The following CMC1 variants were observed in gnomAD, a reference collection of about 807,000 sequenced individuals.
CMC1 encodes the protein COX assembly mitochondrial protein homolog.
Under a neutral mutation model 14.1 loss-of-function variants are expected in CMC1, and 14 were observed. The observed-to-expected ratio is 0.99, with a 90% CI of 0.66 to 1.55. CMC1 has a LOEUF of 1.55. CMC1 is among the 40% of genes most tolerant of loss of function. CMC1 has a pLI of 0.00. For synonymous variants in CMC1, 50 were observed against 38.4 expected (o/e 1.30, Z -1.12); for missense variants, 127 against 123.8 (o/e 1.03, Z -0.12).
rs1303171700 is a variant in CMC1 at position 28,316,347 on chromosome 3, T to TG, written c.125dup (p.Cys42TrpfsTer28). The stretch of plus-strand genomic sequence containing the variant: ...ATTTATTTCAGATTTTACCAAATGT[T>TG]GCAAGAACTCTGGAGTTCTTATGGT... On this transcript the variant is annotated frameshift_variant, in exon 3 of 4. Coordinates refer to ENST00000466830, the MANE Select transcript of CMC1 (RefSeq NM_182523.2). LOFTEE classifies it high-confidence loss of function. 8.9e-6 allele frequency: 14 copies of TG among 1,569,038 alleles called. No individual in the cohort carries two copies. Among genetic ancestry groups the TG allele is most frequent in the Non-Finnish European group, 1.1e-5 (13 of 1,158,138 alleles).
rs1469212855 is a variant in CMC1, at chr3:28,324,645, T to C, written c.*5016T>C. 1 of 441,314 alleles carries C rather than the reference T, an allele frequency of 2.3e-6. No individual in the cohort carries two copies. Among genetic ancestry groups the C allele is most frequent in the Non-Finnish European group, 3.8e-6 (1 of 259,742 alleles). 27.3% of individuals were successfully genotyped at this position (441,314 alleles called of 1,614,324 possible). ...GAGTTTTAATCCTGGATCAGCAATTTACTGTGACTTTAGATATTTGTCTCT... is the reference window on the plus strand; with the variant it reads ...GAGTTTTAATCCTGGATCAGCAATTCACTGTGACTTTAGATATTTGTCTCT... On this transcript the variant is annotated 3_prime_UTR_variant, in exon 4 of 4. Transcript: ENST00000466830.
intron 1 of CMC1, among the ~76,000 whole-genome samples, chr3:28,257,879 G>A (rs552559330): frequency 2.6e-5 from 4 of 152,000 alleles, no homozygotes; most frequent in Non-Finnish European, 5.9e-5. Context: ...TTATAACTCA[G>A]CAGTTTTCCA....
intron 2 of CMC1, among the ~76,000 whole-genome samples, chr3:28,270,628 T>C (rs1700229941): frequency 2.6e-5 from 4 of 152,140 alleles, no homozygotes. Flanking sequence ...ATTTGTTAAG[T>C]TCCTTGTAAA....
intron 2 of CMC1, among the ~76,000 whole-genome samples, chr3:28,304,908 C>G (rs1411569117): frequency 3.9e-5 from 6 of 152,038 alleles, no homozygotes; most frequent in Non-Finnish European, 1.5e-5. Context: ...CTAATAGGTT[C>G]TAGTTTACCA....
intron 1 of CMC1, among the ~76,000 whole-genome samples, chr3:28,243,197 G>A (rs563232262): frequency 6.6e-6 from 1 of 151,932 alleles, no homozygotes; most frequent in South Asian, 2.1e-4. Flanking sequence ...CTGGGATTAC[G>A]GGCGCCCGCC....
rs1038886547 is a variant in CMC1 at position 28,301,492 on chromosome 3, A to T, written c.110-14841A>T. On this transcript the variant is annotated intron_variant, in intron 2 of 3. Transcript: ENST00000466830. ...TGCCTCAGCCTCCCAAAGTGTTGGG[A>T]TTACAGGCGTGAGCCACTGCACTCG... Among the ~76,000 whole-genome samples, 37 of 152,190 alleles carry T rather than the reference A, an allele frequency of 2.4e-4. 1 individual carries two copies. The highest frequency in any genetic ancestry group is 8.9e-4 in the African/African-American group (37 of 41,454).
At chr3:28,292,352 A>C (rs912711465) in intron 2 of CMC1, among the ~76,000 whole-genome samples, 4 of 152,106 alleles carry the variant, frequency 2.6e-5, no homozygotes, top group African/African-American at 9.7e-5. Flanking sequence ...TATCTTTTCA[A>C]TTATTTTATT....
chr3:28,292,183 C>G (rs996282768), intron 2 of CMC1, among the ~76,000 whole-genome samples: 4 of 151,902 alleles, frequency 2.6e-5, no homozygotes, highest in Non-Finnish European at 5.9e-5. Context: ...TCCTTTTTTC[C>G]TACTTTTTGA....
rs762199745 is a variant in CMC1 at position 28,323,887 on chromosome 3, GT to G, written c.*4263del. Reference sequence around the variant, plus strand: ...TCATACTAGAAAACCAACTATGTTGGTTTTTGTACTATTGTACAGTGTGTTC... The same window carrying G: ...TCATACTAGAAAACCAACTATGTTGGTTTTGTACTATTGTACAGTGTGTTC... On this transcript the variant is annotated 3_prime_UTR_variant, in exon 4 of 4. Transcript: ENST00000466830. 2.5e-5 allele frequency: 20 copies of G among 797,180 alleles called. No individual in the cohort carries two copies. The highest frequency in any genetic ancestry group is 3.8e-5 in the Non-Finnish European group (20 of 524,696). 49.4% of individuals were successfully genotyped at this position (797,180 alleles called of 1,614,324 possible).
At chr3:28,294,789 G>T (rs925055186) in intron 2 of CMC1, among the ~76,000 whole-genome samples, 2 of 151,958 alleles carry the variant, frequency 1.3e-5, no homozygotes, top group Non-Finnish European at 2.9e-5. Flanking sequence ...AGAAGACTTA[G>T]GTTCTTAGTG....
chr3:28,261,639 G>T (rs944832069), intron 1 of CMC1, among the ~76,000 whole-genome samples: 4 of 152,116 alleles, frequency 2.6e-5, no homozygotes, highest in African/African-American at 9.7e-5. Flanking sequence ...AGTCTTCCCA[G>T]ATCAGGCCCC....
rs937815562 is a variant in CMC1, at chr3:28,315,956, G to T, written c.110-377G>T. The T allele has an allele frequency of 9.6e-5, 15 of 156,882 alleles. 1 individual carries two copies. The highest frequency in any genetic ancestry group is 2.0e-4 in the Non-Finnish European group (14 of 71,212). 9.7% of individuals were successfully genotyped at this position (156,882 alleles called of 1,614,324 possible). A position where few individuals can be genotyped will look rare whatever the true frequency, so the allele number is the denominator to read the frequency against. On this transcript the variant is annotated intron_variant, in intron 2 of 3. Coordinates refer to ENST00000466830, the MANE Select transcript of CMC1 (RefSeq NM_182523.2). ...GCATTTCTCAGAATGTATCCTCATT[G>T]TTAAGCAGCCCATGATTGTACTGTT...
At chr3:28,308,755 T>C (rs757877256) in intron 2 of CMC1, among the ~76,000 whole-genome samples, 117 of 152,096 alleles carry the variant, frequency 7.7e-4, no homozygotes, top group Non-Finnish European at 1.4e-3. Context: ...GAGGCCGAGG[T>C]GGGCGGATCA....
chr3:28,298,921 A>G (rs1429929552), intron 2 of CMC1, among the ~76,000 whole-genome samples: 1 of 152,048 alleles, frequency 6.6e-6, no homozygotes, highest in Non-Finnish European at 1.5e-5. Flanking sequence ...TGGAAAGAGT[A>G]TGATGTAAAA....
At chr3:28,250,034 C>T (rs140602202) in intron 1 of CMC1, among the ~76,000 whole-genome samples, 1 of 152,202 alleles carries the variant, frequency 6.6e-6, no homozygotes, top group Non-Finnish European at 1.5e-5. Context: ...CTAATCCTAT[C>T]GAATTAAGGC....
rs985364998 is a variant in CMC1 at position 28,320,066 on chromosome 3, T to C, written c.*437T>C. The C allele has an allele frequency of 1.9e-5, 3 of 156,952 alleles. No homozygotes were observed. The highest frequency in any genetic ancestry group is 6.3e-5 in the Admixed American group (1 of 15,844). 9.7% of individuals were successfully genotyped at this position (156,952 alleles called of 1,614,324 possible). On this transcript the variant is annotated 3_prime_UTR_variant, in exon 4 of 4. Transcript: ENST00000466830. ...CAGAATCCTTCCTGATTCTACCACT[T>C]ATTAGCTATACAGCTGTGGAAGTAA...
At chr3:28,301,640 T>TA (rs150985397) in intron 2 of CMC1, among the ~76,000 whole-genome samples, 7,280 of 150,950 alleles carry the variant, frequency 0.048, 536 homozygotes, top group African/African-American at 0.15. Context: ...TTTTTTTTTT[T>TA]AAAAAAATAG....
At chr3:28,263,029 T>C (rs1477358349) in intron 1 of CMC1, 1 of 338,814 alleles carries the variant, frequency 3.0e-6, no homozygotes, top group Non-Finnish European at 5.4e-6. Context: ...TGGAATATGT[T>C]ATAAAGTAAA....
chr3:28,249,683 C>T (rs971230223), intron 1 of CMC1, among the ~76,000 whole-genome samples: 3 of 152,200 alleles, frequency 2.0e-5, no homozygotes, highest in African/African-American at 4.8e-5. Flanking sequence ...TTCTTGGGTA[C>T]AGCCAGGGTT....
Sources: gnomAD v4.1 joint callset for allele counts (sites outside exome capture counted in the v4.1 genomes callset) on GRCh38, gnomAD v4.1.1 for gene constraint, MANE v1.5 for transcripts, NCBI Gene and HGNC (gene_info 2026-07-23, HGNC 2026-07-21) for gene names.